The following CD207 variants were observed in gnomAD, a reference collection of about 807,000 sequenced individuals.
The protein encoded by CD207 is CD207 molecule.
Under a neutral mutation model 31.6 loss-of-function variants are expected in CD207, and 28 were observed. The observed-to-expected ratio is 0.89, with a 90% CI of 0.66 to 1.21. The LOEUF (loss-of-function observed/expected upper bound fraction) is 1.21, where lower values mean the gene tolerates loss of function less well. Among genes scored for constraint, CD207 ranks in the 50% most tolerant of loss-of-function variants. The pLI is 0.00. For synonymous variants in CD207, 168 were observed against 153.9 expected (o/e 1.09, Z -0.68); for missense variants, 388 against 397.8 (o/e 0.98, Z 0.21).
At chr2:70,833,153 G>A in intron 3 of CD207, 102 bp from the exon 4 acceptor site, 1 of 1,104,184 alleles carries the variant, frequency 9.1e-7, no homozygotes, top group Non-Finnish European at 1.4e-6. Flanking sequence ...GCAGCAAATG[G>A]AGCTGTGCGC....
At chr2:70,831,622 G>C (rs1392192380) in intron 5 of CD207, 79 bp downstream of exon 5, 2 of 863,130 alleles carry the variant, frequency 2.3e-6, no homozygotes, top group African/African-American at 1.7e-5. Context: ...GTCTCATGGG[G>C]AACATCGCCC....
At chr2:70,824,503 C>CA in the CD207 span, among the ~76,000 whole-genome samples, 1 of 150,156 alleles carries the variant, frequency 6.7e-6, no homozygotes, top group Non-Finnish European at 1.5e-5. Flanking sequence ...CACCATTCTC[C>CA]AAAAAAAGGA....
chr2:70,825,474 A>G (rs1677321317), downstream of CD207, among the ~76,000 whole-genome samples: 1 of 152,224 alleles, frequency 6.6e-6, no homozygotes, highest in South Asian at 2.1e-4. Flanking sequence ...GGGTGGGTAT[A>G]TAGAAACTCT....
downstream of CD207, among the ~76,000 whole-genome samples, chr2:70,827,592 G>A (rs1677375200): frequency 6.6e-6 from 1 of 152,168 alleles, no homozygotes; most frequent in East Asian, 1.9e-4. Flanking sequence ...AAGCCAGGGT[G>A]CTTTGTAAGA....
chr2:70,835,683 C>T, intron 1 of CD207, 21 bp downstream of exon 1: 1 of 1,613,260 alleles, frequency 6.2e-7, no homozygotes, highest in South Asian at 1.1e-5. Context: ...GGAGCAGGTT[C>T]TCAGCAGCGA....
intron 2 of CD207, among the ~76,000 whole-genome samples, chr2:70,834,553 A>G (rs1301276659): frequency 6.6e-6 from 1 of 152,202 alleles, no homozygotes; most frequent in Non-Finnish European, 1.5e-5. Flanking sequence ...TCTCCAGAGA[A>G]CATGGAAGAG....
In CD207 at chr2:70,835,471, G is replaced by T; in HGVS notation, c.190+20C>A. The T allele has an allele frequency of 6.4e-7, 1 of 1,573,782 alleles. No individual in the cohort carries two copies. Among genetic ancestry groups the T allele is most frequent in the South Asian group, 1.1e-5 (1 of 90,048 alleles). ...CCACAGAGAGGGGCTAAGCCCAGAC[G>T]ATGAAACATGAGGACTTACAAAGGA... On this transcript the variant is annotated intron_variant, in intron 2 of 5. Transcript: ENST00000410009.
In CD207 at chr2:70,832,942, G is replaced by A. The variant is rs1677514326; in HGVS notation, c.675C>T (p.Ser225=). The change falls in exon 4 of 6, where the codon TCC becomes TCT. Residue 225 remains serine (S), a synonymous_variant. Transcript: ENST00000410009. ...TWYSAEQFCV[S]RNSHLTSVTS... The stretch of plus-strand genomic sequence containing the variant: ...TCACCGAGGTCAGGTGTGAATTCCT[G>A]GACACACAGAACTGCTCGGCACTAT... The A allele has an allele frequency of 1.2e-6, 2 of 1,613,818 alleles. No individual in the cohort carries two copies. Among genetic ancestry groups the A allele is most frequent in the South Asian group, 2.2e-5 (2 of 91,076 alleles).
downstream of CD207, among the ~76,000 whole-genome samples, chr2:70,825,810 C>T (rs1274401116): frequency 6.6e-6 from 1 of 152,024 alleles, no homozygotes; most frequent in Admixed American, 6.5e-5. Context: ...TCTGTGAACA[C>T]AGGCATGAGC....
rs1457816988 is a variant in CD207, at chr2:70,830,446, T to C, written c.*604A>G. Reference sequence around the variant, plus strand: ...AAGGGAGGCTGGGTGCCAGCCGAGCTCTGAAGGAGATACAAGTCCGTGTCA... The same window carrying C: ...AAGGGAGGCTGGGTGCCAGCCGAGCCCTGAAGGAGATACAAGTCCGTGTCA... On this transcript the variant is annotated 3_prime_UTR_variant, in exon 6 of 6. Transcript: ENST00000410009. 1.3e-5 allele frequency: 2 copies of C among 152,392 alleles called. No individual in the cohort carries two copies. Among genetic ancestry groups the C allele is most frequent in the East Asian group, 3.8e-4 (2 of 5,196 alleles). 9.4% of individuals were successfully genotyped at this position (152,392 alleles called of 1,614,324 possible). A position where few individuals can be genotyped will look rare whatever the true frequency, so the allele number is the denominator to read the frequency against.
chr2:70,828,676 T>C (rs782656589), downstream of CD207, among the ~76,000 whole-genome samples: 1 of 151,944 alleles, frequency 6.6e-6, no homozygotes, highest in Non-Finnish European at 1.5e-5. Context: ...AGTCACTTCT[T>C]TTTTTTTGAA....
chr2:70,833,124 G>A (rs1553400183), intron 3 of CD207, 73 bp from the exon 4 acceptor site: 34 of 1,460,570 alleles, frequency 2.3e-5, no homozygotes, highest in Non-Finnish European at 9.6e-6. Context: ...GGGGGCACTT[G>A]AATGAGGTCT....
At chr2:70,826,288 C>A (rs1677340932), downstream of CD207, among the ~76,000 whole-genome samples, 1 of 152,152 alleles carries the variant, frequency 6.6e-6, no homozygotes, top group Non-Finnish European at 1.5e-5. Context: ...TGAAAAAACA[C>A]CAGGACAAAT....
chr2:70,829,950 T>C (rs1544651), downstream of CD207, among the ~76,000 whole-genome samples: 38 of 152,102 alleles, frequency 2.5e-4, no homozygotes, highest in African/African-American at 9.2e-4. Context: ...AATTGAGCTA[T>C]AGACTAGAAG....
Position 70,833,915 on chromosome 2 carries a change from C to T in CD207, c.296G>A (p.Ser99Asn), listed in dbSNP as rs781869546. 6.3e-7 allele frequency: 1 copy of T among 1,596,208 alleles called. No homozygotes were observed. The highest frequency in any genetic ancestry group is 1.1e-5 in the South Asian group (1 of 88,510). ...AACGCCAGCTGCCTCCATGCCGTCA[C>T]TATTCTTTTTAATTTCAGAATCCAG... ...STLDSEIKKN[S>N]DGMEAAGVQI... Residue 99 changes from serine (S) to asparagine (N), a missense_variant, in exon 3 of 6, where the codon AGT becomes AAT. Coordinates refer to ENST00000410009, the MANE Select transcript of CD207 (RefSeq NM_015717.5).
At chr2:70,835,400 A>T (rs1677587942) in intron 2 of CD207, 91 bp downstream of exon 2, 4 of 862,896 alleles carry the variant, frequency 4.6e-6, no homozygotes, top group Middle Eastern at 3.3e-4. Flanking sequence ...GGCAGGAGAA[A>T]CCCGGAGAGC....
Position 70,833,719 on chromosome 2 carries a change from G to A in CD207, c.492C>T (p.Ala164=). ...CCCGGATCTTTGTATTTAAAGCACT[G>A]GCTTTCTCCAAATCACTTTTTAACT... ...IPELKSDLEK[A]SALNTKIRAL... Residue 164 remains alanine, a synonymous_variant, in exon 3 of 6, where the codon GCC becomes GCT. Coordinates refer to ENST00000410009, the MANE Select transcript of CD207 (RefSeq NM_015717.5). The A allele has an allele frequency of 1.2e-6, 2 of 1,613,984 alleles. No individual in the cohort carries two copies. Among genetic ancestry groups the A allele is most frequent in the Non-Finnish European group, 1.7e-6 (2 of 1,179,882 alleles).
At chr2:70,828,036 C>T (rs572436324), downstream of CD207, among the ~76,000 whole-genome samples, 21 of 152,258 alleles carry the variant, frequency 1.4e-4, no homozygotes, top group African/African-American at 5.1e-4. Context: ...TAATGTAATA[C>T]AATAAATACC....
chr2:70,835,023 T>C (rs1174531654), intron 2 of CD207, among the ~76,000 whole-genome samples: 2 of 152,176 alleles, frequency 1.3e-5, no homozygotes, highest in African/African-American at 2.4e-5. Context: ...GACTGAGTCA[T>C]GGAGATCTGT....
Sources: allele counts gnomAD v4.1 joint callset (sites outside exome capture counted in the v4.1 genomes callset), GRCh38; gene constraint gnomAD v4.1.1; transcripts MANE v1.5; gene names NCBI Gene and HGNC (gene_info 2026-07-23, HGNC 2026-07-21).